Variants in LRRTM4 observed in about 807,000 individuals in gnomAD.
The protein encoded by LRRTM4 is leucine-rich repeat transmembrane neuronal protein 4.
LRRTM4 carries 25 observed loss-of-function variants against 47.6 expected under a neutral mutation model. The observed-to-expected ratio is 0.53, with a 90% CI of 0.38 to 0.73. The LOEUF (loss-of-function observed/expected upper bound fraction) is 0.73. LRRTM4 is among the 30% of genes least tolerant of loss of function. The pLI, the probability that LRRTM4 is intolerant of heterozygous loss-of-function variation, is 0.00. For missense variants in LRRTM4, 638 were observed against 713.4 expected (o/e 0.89, Z 1.20); for synonymous variants, 311 against 269.5 (o/e 1.15, Z -1.51).
intron 3 of LRRTM4, among the ~76,000 whole-genome samples, chr2:77,246,212 T>C (rs899965072): frequency 7.9e-5 from 12 of 152,188 alleles, no homozygotes; most frequent in Non-Finnish European, 1.5e-4. Context: ...ATTTAATTGC[T>C]TAGCATTTAG....
At position 77,185,595 on chromosome 2, in the gene LRRTM4, A is replaced by T. The variant is rs537352281; in HGVS notation, c.1551+332723T>A. On this transcript the variant is annotated intron_variant, in intron 3 of 3. Coordinates refer to ENST00000409884, the MANE Select transcript of LRRTM4 (RefSeq NM_001134745.3). ...CATATTTGGAATAATTATGAGGGTC[A>T]GCGTTCATGGTTAAGATGGATAAGT... is the stretch of plus-strand genomic sequence containing the variant. Among the ~76,000 whole-genome samples the T allele has an allele frequency of 2.0e-5, 3 of 152,290 alleles. No individual in the cohort carries two copies. In the East Asian group the frequency reaches 5.8e-4, roughly 29 times the overall value.
At chr2:77,284,334 A>G (rs1159442505) in intron 3 of LRRTM4, among the ~76,000 whole-genome samples, 1 of 152,176 alleles carries the variant, frequency 6.6e-6, no homozygotes, top group African/African-American at 2.4e-5. Context: ...CTGTTAGATA[A>G]TAACACATTC....
intron 3 of LRRTM4, among the ~76,000 whole-genome samples, chr2:77,501,253 T>C (rs1371870011): frequency 6.6e-6 from 1 of 150,764 alleles, no homozygotes; most frequent in Non-Finnish European, 1.5e-5. Context: ...CTAAGCAGTA[T>C]GCCAAAAGCA....
chr2:76,787,532 C>T (rs1189333422), intron 3 of LRRTM4, among the ~76,000 whole-genome samples: 1 of 150,466 alleles, frequency 6.6e-6, no homozygotes, highest in Non-Finnish European at 1.5e-5. Context: ...AGGTTAAAAA[C>T]AGGGAAAGGA....
intron 3 of LRRTM4, among the ~76,000 whole-genome samples, chr2:77,510,089 T>C (rs1304957679): frequency 2.0e-5 from 3 of 152,134 alleles, no homozygotes; most frequent in African/African-American, 7.2e-5. Context: ...TTAAGTCTTA[T>C]TAGAAACAAT....
intron 3 of LRRTM4, among the ~76,000 whole-genome samples, chr2:77,146,666 G>A (rs1672269119): frequency 1.3e-5 from 2 of 152,090 alleles, no homozygotes; most frequent in African/African-American, 4.8e-5. Flanking sequence ...GTGAAATGCA[G>A]ATATTCCAGA....
At chr2:77,249,564 C>T (rs1012840329) in intron 3 of LRRTM4, among the ~76,000 whole-genome samples, 1 of 151,912 alleles carries the variant, frequency 6.6e-6, no homozygotes, top group African/African-American at 2.4e-5. Flanking sequence ...AACAGATATT[C>T]CATATTCCAT....
At chr2:76,797,133 C>T (rs867283407) in intron 3 of LRRTM4, among the ~76,000 whole-genome samples, 14 of 151,910 alleles carry the variant, frequency 9.2e-5, no homozygotes, top group South Asian at 2.1e-4. Context: ...AGATACTCCT[C>T]GAGAAGAGCT....
At chr2:77,503,044 G>GTT (rs796437888) in intron 3 of LRRTM4, among the ~76,000 whole-genome samples, 6 of 142,578 alleles carry the variant, frequency 4.2e-5, no homozygotes, top group East Asian at 2.0e-4. Flanking sequence ...GTCATTCAGG[G>GTT]TTTTTTTTTT....
At chr2:76,905,103 T>G (rs536500726) in intron 3 of LRRTM4, among the ~76,000 whole-genome samples, 5 of 152,010 alleles carry the variant, frequency 3.3e-5, no homozygotes, top group East Asian at 1.9e-4. Context: ...CACCCCCCAG[T>G]AGGGGCAGAC....
chr2:77,350,325 T>C (rs1402516084), intron 3 of LRRTM4, among the ~76,000 whole-genome samples: 1 of 73,844 alleles, frequency 1.4e-5, no homozygotes, highest in African/African-American at 5.6e-5. Context: ...AGAGCAAGAC[T>C]CCGTCTCAAA....
intron 3 of LRRTM4, among the ~76,000 whole-genome samples, chr2:77,477,913 AAGAAAGAAAGAAAG>A (rs1558761933): frequency 1.7e-5 from 1 of 59,442 alleles, no homozygotes; most frequent in African/African-American, 6.8e-5. Context: ...AAAAGAAAGA[AAGAAAGAAAGAAAG>A]AAAGAAAGAA....
intron 3 of LRRTM4, among the ~76,000 whole-genome samples, chr2:77,076,609 A>G (rs1423091738): frequency 6.6e-6 from 1 of 152,212 alleles, no homozygotes; most frequent in Non-Finnish European, 1.5e-5. Context: ...TCTTTCTGCT[A>G]CATTGAAATG....
chr2:77,318,075 T>C (rs895252897), intron 3 of LRRTM4, among the ~76,000 whole-genome samples: 5 of 149,324 alleles, frequency 3.3e-5, no homozygotes, highest in Non-Finnish European at 5.9e-5. Context: ...GGCGCGATCT[T>C]GGCTCACTAC....
At chr2:77,064,291 T>C (rs1473735922) in intron 3 of LRRTM4, among the ~76,000 whole-genome samples, 2 of 152,144 alleles carry the variant, frequency 1.3e-5, no homozygotes. Context: ...AACAGTATGA[T>C]TATATATCAT....
intron 3 of LRRTM4, among the ~76,000 whole-genome samples, chr2:77,480,825 GAGAGAGAGA>G (rs1227948424): frequency 4.7e-4 from 12 of 25,478 alleles, no homozygotes; most frequent in African/African-American, 1.3e-3. Context: ...TGTGTGTGGA[GAGAGAGAGA>G]GAGAGAGAGA....
intron 3 of LRRTM4, among the ~76,000 whole-genome samples, chr2:76,938,660 T>G (rs1675037170): frequency 6.6e-6 from 1 of 152,140 alleles, no homozygotes; most frequent in African/African-American, 2.4e-5. Flanking sequence ...AAAGTTTAGA[T>G]ATAAAACTAA....
intron 3 of LRRTM4, among the ~76,000 whole-genome samples, chr2:77,501,071 G>A (rs561551138): frequency 1.3e-3 from 195 of 150,918 alleles, no homozygotes; most frequent in Non-Finnish European, 2.1e-3. Context: ...AGGATAAAAG[G>A]CAATAGAAAA....
chr2:76,941,776 T>C (rs966280680), intron 3 of LRRTM4, among the ~76,000 whole-genome samples: 6 of 152,166 alleles, frequency 3.9e-5, no homozygotes, highest in African/African-American at 1.4e-4. Context: ...TAAACACACG[T>C]GTGCATGTGT....
Sources: gnomAD v4.1 joint callset for allele counts (sites outside exome capture counted in the v4.1 genomes callset) on GRCh38, gnomAD v4.1.1 for gene constraint, MANE v1.5 for transcripts, NCBI Gene and HGNC (gene_info 2026-07-23, HGNC 2026-07-21) for gene names.